Variants in FCGR2B observed in about 807,000 individuals in gnomAD.
FCGR2B encodes the protein low affinity immunoglobulin gamma Fc region receptor II-b.
In FCGR2B, 18 loss-of-function variants were observed where a neutral mutation model predicts 24.8. The observed-to-expected ratio is 0.73, with a 90% CI of 0.50 to 1.08. The LOEUF is 1.08. Ranked by LOEUF, FCGR2B falls within the 50% of genes least tolerant of loss-of-function variation. FCGR2B has a pLI of 0.00. For missense variants in FCGR2B, 215 were observed against 297.6 expected, an observed-to-expected ratio of 0.72 and a Z score of 2.04; for synonymous variants, 79 against 109.8, an observed-to-expected ratio of 0.72 and a Z score of 1.75.
intron 4 of FCGR2B, 173 bp downstream of exon 4, chr1:161,673,402 GGC>G (rs1461412531): frequency 2.0e-5 from 16 of 819,462 alleles, no homozygotes; most frequent in Non-Finnish European, 3.3e-5. Flanking sequence ...CAGGAGTAGG[GGC>G]CAGAGCTTGG....
the FCGR2B span, among the ~76,000 whole-genome samples, chr1:161,649,207 GA>G: frequency 6.6e-6 from 1 of 150,834 alleles, no homozygotes; most frequent in South Asian, 2.1e-4. Flanking sequence ...TATTAATGAG[GA>G]AAGCAGTTAG....
the FCGR2B span, among the ~76,000 whole-genome samples, chr1:161,656,006 C>T: frequency 1.5e-5 from 2 of 131,472 alleles, no homozygotes; most frequent in African/African-American, 5.3e-5. Context: ...CAGGCACGTG[C>T]CACAACCCCT....
At chr1:161,661,227 AAAG>A (rs1557895039), upstream of FCGR2B, among the ~76,000 whole-genome samples, 2 of 73,248 alleles carry the variant, frequency 2.7e-5, no homozygotes, top group Non-Finnish European at 6.9e-5. Context: ...AGAAAGAAAG[AAAG>A]AAAGAAAGAA....
At position 161,671,573 on chromosome 1, in the gene FCGR2B, C is replaced by A. The variant is rs1199892872; in HGVS notation, c.315C>A (p.Asn105Lys). 2.5e-6 allele frequency: 4 copies of A among 1,614,098 alleles called. No individual in the cohort carries two copies. In the African/African-American group the frequency reaches 5.3e-5, roughly 22 times the overall value. Residue 105 changes from asparagine to lysine, a missense_variant, in exon 3 of 8, where the codon AAC becomes AAA. Asn to Lys is a moderately conservative substitution (Grantham distance 94). Transcript: ENST00000358671. ...CCAGCTACAGGTTCAAGGCCAACAA[C>A]AATGACAGCGGGGAGTACACGTGCC... ...TQPSYRFKAN[N>K]NDSGEYTCQT...
At position 161,678,543 on chromosome 1, in the gene FCGR2B, C is replaced by T; in HGVS notation, c.*990C>T. The T allele has an allele frequency of 4.7e-6, 1 of 214,612 alleles. No individual in the cohort carries two copies. Among genetic ancestry groups the T allele is most frequent in the African/African-American group, 2.3e-5 (1 of 44,292 alleles). 13.3% of individuals were successfully genotyped at this position (214,612 alleles called of 1,614,324 possible). On this transcript the variant is annotated 3_prime_UTR_variant, in exon 8 of 8. Transcript: ENST00000358671. ...TGCCTGCATTTCTCAAAATGTATCC[C>T]CATATTTCAACAATGCATGACTGTA...
At chr1:161,654,420 G>A in the FCGR2B span, among the ~76,000 whole-genome samples, 1 of 136,900 alleles carries the variant, frequency 7.3e-6, no homozygotes, top group Non-Finnish European at 1.7e-5. Flanking sequence ...GGTGTAATGG[G>A]CTCTTTTCCT....
chr1:161,653,033 A>C, the FCGR2B span, among the ~76,000 whole-genome samples: 2 of 133,916 alleles, frequency 1.5e-5, no homozygotes, highest in Admixed American at 1.7e-4. Context: ...CTTCTTATTC[A>C]GTACTTGCTA....
chr1:161,654,940 G>T, the FCGR2B span, among the ~76,000 whole-genome samples: 1 of 139,080 alleles, frequency 7.2e-6, no homozygotes, highest in African/African-American at 2.5e-5. Context: ...ATTTTAATGA[G>T]GCTGGTTTTC....
At chr1:161,650,085 G>A in the FCGR2B span, among the ~76,000 whole-genome samples, 2 of 150,236 alleles carry the variant, frequency 1.3e-5, no homozygotes, top group Non-Finnish European at 3.0e-5. Flanking sequence ...TCTGTTCACT[G>A]CACCCTCCAT....
In FCGR2B at chr1:161,674,013, G is replaced by A. The variant is rs1486864491; in HGVS notation, c.700G>A (p.Val234Ile). 6 of 524,804 alleles carry A rather than the reference G, an allele frequency of 1.1e-5. No homozygotes were observed. The highest frequency in any genetic ancestry group is 2.0e-5 in the Non-Finnish European group (6 of 298,924). The allele number at this position is 524,804 out of a possible 1,614,324, so 32.5% of individuals were successfully genotyped here. ...TGTGGCTGTGGTCACTGGGATTGCT[G>A]TAGCGGCCATTGTTGCTGCTGTAGT... The part of the protein sequence containing the change: ...IIVAVVTGIA[V>I]AAIVAAVVAL... The change falls in exon 5 of 8, where the codon GTA becomes ATA. Residue 234 changes from valine to isoleucine, a missense_variant. Coordinates refer to ENST00000358671, the MANE Select transcript of FCGR2B (RefSeq NM_001394477.1).
intron 6 of FCGR2B, chr1:161,677,033 C>A: frequency 4.3e-6 from 2 of 460,784 alleles, no homozygotes; most frequent in East Asian, 4.4e-5. Flanking sequence ...TATCTCAGAT[C>A]CCAAGCCTCC....
At chr1:161,650,264 G>A in the FCGR2B span, among the ~76,000 whole-genome samples, 1 of 146,614 alleles carries the variant, frequency 6.8e-6, no homozygotes, top group Non-Finnish European at 1.5e-5. Flanking sequence ...TGGGATTACA[G>A]GCATGAGCCA....
chr1:161,651,701 C>T, the FCGR2B span, among the ~76,000 whole-genome samples: 16 of 120,724 alleles, frequency 1.3e-4, 1 homozygote, highest in Admixed American at 5.6e-4. Flanking sequence ...TTTGGGAGGC[C>T]GAGGGGGGTG....
At chr1:161,674,435 A>G (rs1002159686) in intron 5 of FCGR2B, 22 of 380,562 alleles carry the variant, frequency 5.8e-5, no homozygotes, top group Non-Finnish European at 9.6e-5. Flanking sequence ...ATAGCCCAAC[A>G]AGGGCTGAGG....
chr1:161,675,096 G>T, intron 5 of FCGR2B, 161 bp from the exon 6 acceptor site: 2 of 562,836 alleles, frequency 3.6e-6, no homozygotes, highest in South Asian at 5.0e-5. Context: ...TTTTCCAGGC[G>T]GGAGCAGCCT....
At position 161,675,322 on chromosome 1, in the gene FCGR2B, A is replaced by AG. The variant is rs747867244; in HGVS notation, c.817+11dup. 522 of 1,555,128 alleles carry AG rather than the reference A, an allele frequency of 3.4e-4. No individual in the cohort carries two copies. Among genetic ancestry groups the AG allele is most frequent in the Middle Eastern group, 2.1e-3 (11 of 5,142 alleles). On this transcript the variant is annotated intron_variant, in intron 6 of 7. Transcript: ENST00000358671. ...CCTCCCTGAGAAACCAGGTGAGTAC[A>AG]GGTTGTCTCAGGGATTCAGTGATGG... is the stretch of plus-strand genomic sequence containing the variant.
intron 3 of FCGR2B, 156 bp downstream of exon 3, chr1:161,671,805 T>C: frequency 1.4e-6 from 2 of 1,423,316 alleles, no homozygotes; most frequent in Non-Finnish European, 1.9e-6. Flanking sequence ...TTTGCCTCAG[T>C]TCTGATTGAA....
chr1:161,651,105 A>G, the FCGR2B span, among the ~76,000 whole-genome samples: 13 of 126,624 alleles, frequency 1.0e-4, no homozygotes, highest in Non-Finnish European at 1.7e-4. Context: ...ATGACTTCAG[A>G]GTATTTTGGC....
chr1:161,676,338 A>C (rs1682129941), intron 6 of FCGR2B: 2 of 193,504 alleles, frequency 1.0e-5, no homozygotes, highest in East Asian at 1.6e-4. Flanking sequence ...TCTGCTGGCC[A>C]GGCCCAGTGG....
Sources: allele counts gnomAD v4.1 joint callset (sites outside exome capture counted in the v4.1 genomes callset), GRCh38; gene constraint gnomAD v4.1.1; transcripts MANE v1.5; gene names NCBI Gene and HGNC (gene_info 2026-07-23, HGNC 2026-07-21).